BRCC3: variants seen among roughly 807,000 people sequenced by gnomAD.
BRCC3 encodes the protein BRCA1/BRCA2-containing complex subunit 3.
BRCC3 carries 15 observed loss-of-function variants against 28.0 expected under a neutral mutation model. That is an observed-to-expected ratio of 0.54 (90% CI 0.36 to 0.82). The LOEUF (loss-of-function observed/expected upper bound fraction) is 0.82. Among genes scored for constraint, BRCC3 ranks in the 40% least tolerant of loss-of-function variants. The probability of loss-of-function intolerance (pLI) is 0.01; values close to 1 mark genes in which losing one functional copy is unlikely to be tolerated. For synonymous variants in BRCC3, 66 were observed against 80.3 expected (o/e 0.82, Z 0.95); for missense variants, 109 against 225.9 (o/e 0.48, Z 3.32).
intron 7 of BRCC3, among the ~76,000 whole-genome samples, chrX:155,092,744 G>T (rs2074183090): frequency 9.0e-6 from 1 of 110,866 alleles, no homozygotes; most frequent in Non-Finnish European, 1.9e-5. Context: ...CTACTGCACA[G>T]CTGACATTCT....
Position 155,120,175 on chromosome X carries a change from A to G in BRCC3, c.*18+7A>G. ...AATCAGGAGACAAAATGGGGTAAAAAACTTCTTTTTCAATTTGTGTACTAA... is the reference window on the plus strand; with the variant it reads ...AATCAGGAGACAAAATGGGGTAAAAGACTTCTTTTTCAATTTGTGTACTAA... On this transcript the variant is annotated splice_region_variant and intron_variant, in intron 10 of 10. Transcript: ENST00000330045. The G allele has an allele frequency of 8.5e-7, 1 of 1,179,489 alleles. No individual in the cohort carries two copies. The highest frequency in any genetic ancestry group is 1.8e-5 in the African/African-American group (1 of 56,901).
chrX:155,071,567 C>T lies in BRCC3; in HGVS notation c.40C>T (p.Leu14Phe). ...GGTGCAGGCGGTGCAGGCGGTTCAT[C>T]TCGAGTCTGACGCTTTCCTCGTTTG... Reference protein sequence around the residue: ...QVVQAVQAVHLESDAFLVCLN... With the variant: ...QVVQAVQAVHFESDAFLVCLN... Residue 14 changes from leucine to phenylalanine, a missense_variant, in exon 1 of 11, where the codon CTC becomes TTC. Physicochemically the swap from Leu to Phe is conservative, Grantham distance 22 (BLOSUM62 0). Coordinates refer to ENST00000330045, the MANE Select transcript of BRCC3 (RefSeq NM_001018055.3). The T allele has an allele frequency of 8.3e-7, 1 of 1,207,931 alleles. No homozygotes were observed. The highest frequency in any genetic ancestry group is 1.1e-6 in the Non-Finnish European group (1 of 892,946).
chrX:155,122,052 A>G lies in BRCC3; in HGVS notation c.*848A>G, dbSNP rs782163651. 37 of 108,858 alleles carry G rather than the reference A, an allele frequency of 3.4e-4. No individual in the cohort carries two copies. The highest frequency in any genetic ancestry group is 1.2e-3 in the African/African-American group (35 of 29,911). 9.0% of individuals were successfully genotyped at this position (108,858 alleles called of 1,213,427 possible). A position where few individuals can be genotyped will look rare whatever the true frequency, so the allele number is the denominator to read the frequency against. Reference sequence around the variant, plus strand: ...GGAGGCAGGAGGATCACTTGAGCCCAGGAGTTTGAGGCTGCGGTGAGCTGT... The same window carrying G: ...GGAGGCAGGAGGATCACTTGAGCCCGGGAGTTTGAGGCTGCGGTGAGCTGT... On this transcript the variant is annotated 3_prime_UTR_variant, in exon 11 of 11. Coordinates refer to ENST00000330045, the MANE Select transcript of BRCC3 (RefSeq NM_001018055.3).
intron 2 of BRCC3, 22 bp downstream of exon 2, chrX:155,072,365 C>A: frequency 8.6e-7 from 1 of 1,162,318 alleles, no homozygotes; most frequent in Non-Finnish European, 1.2e-6. Flanking sequence ...TTTGTTTACT[C>A]ATATCTTATA....
At chrX:155,118,982 G>GA (rs2074373898) in intron 9 of BRCC3, among the ~76,000 whole-genome samples, 1 of 111,487 alleles carries the variant, frequency 9.0e-6, no homozygotes, top group South Asian at 3.7e-4. Flanking sequence ...AATACAGGAG[G>GA]AAAAATATAA....
At chrX:155,098,639 T>TGTA (rs1178950439) in intron 7 of BRCC3, among the ~76,000 whole-genome samples, 4 of 112,480 alleles carry the variant, frequency 3.6e-5, no homozygotes, top group African/African-American at 6.5e-5. Context: ...AGCTGACTGT[T>TGTA]GTAATAGAGA....
At chrX:155,084,423 C>T (rs1169980011) in intron 5 of BRCC3, among the ~76,000 whole-genome samples, 2 of 110,851 alleles carry the variant, frequency 1.8e-5, no homozygotes, top group African/African-American at 6.6e-5. Flanking sequence ...AGTGCAGTGG[C>T]ACGATCTCAG....
intron 7 of BRCC3, 89 bp from the exon 8 acceptor site, chrX:155,115,968 A>G: frequency 1.1e-6 from 1 of 906,401 alleles, no homozygotes; most frequent in Non-Finnish European, 1.6e-6. Context: ...AAAGTATGCC[A>G]TATCCCAAAC....
intron 1 of BRCC3, 121 bp downstream of exon 1, chrX:155,071,771 A>T: frequency 1.2e-6 from 1 of 814,809 alleles, no homozygotes; most frequent in Admixed American, 3.1e-5. Context: ...AGGTCCTTGG[A>T]CACCCTTTAC....
At chrX:155,079,004 T>A (rs1360627788) in intron 5 of BRCC3, 5 of 199,038 alleles carry the variant, frequency 2.5e-5, no homozygotes, top group African/African-American at 1.5e-4. Flanking sequence ...AAGGGTAAAA[T>A]TTGCAAAATT....
At chrX:155,083,017 T>C (rs1264967791) in intron 5 of BRCC3, among the ~76,000 whole-genome samples, 2 of 112,388 alleles carry the variant, frequency 1.8e-5, no homozygotes, top group South Asian at 7.4e-4. Flanking sequence ...TTTTGGCATG[T>C]GGTGCTAGGC....
intron 5 of BRCC3, among the ~76,000 whole-genome samples, chrX:155,079,475 C>G (rs1396714573): frequency 1.8e-5 from 2 of 111,757 alleles, no homozygotes; most frequent in Non-Finnish European, 3.8e-5. Flanking sequence ...AAAAAGTCAT[C>G]AGTGGTACAG....
chrX:155,117,013 T>C (rs2074360894), intron 9 of BRCC3, among the ~76,000 whole-genome samples: 1 of 112,211 alleles, frequency 8.9e-6, no homozygotes, highest in African/African-American at 3.2e-5. Context: ...CTCAGTGATA[T>C]ACTGGCACAC....
At chrX:155,097,176 C>T (rs5987092) in intron 7 of BRCC3, among the ~76,000 whole-genome samples, 38,891 of 110,388 alleles carry the variant, frequency 0.35, 5,660 homozygotes, top group African/African-American at 0.55. Context: ...AACTAAAACG[C>T]CTGCACAGCA....
intron 5 of BRCC3, among the ~76,000 whole-genome samples, chrX:155,083,511 GT>G (rs1156667894): frequency 9.0e-6 from 1 of 111,731 alleles, no homozygotes; most frequent in East Asian, 2.8e-4. Context: ...ACCTTACTCT[GT>G]TTTTTATGCC....
chrX:155,115,771 A>G (rs1284480686), intron 7 of BRCC3, among the ~76,000 whole-genome samples: 1 of 112,135 alleles, frequency 8.9e-6, no homozygotes, highest in Non-Finnish European at 1.9e-5. Flanking sequence ...ACTGGGGAGC[A>G]GACGTAAGGA....
intron 5 of BRCC3, among the ~76,000 whole-genome samples, chrX:155,085,668 T>C (rs1557294705): frequency 8.9e-6 from 1 of 112,520 alleles, no homozygotes; most frequent in Non-Finnish European, 1.9e-5. Context: ...ACATACATGG[T>C]TTCCTGTTGC....
At chrX:155,076,325 G>A (rs968260438) in intron 3 of BRCC3, among the ~76,000 whole-genome samples, 28 of 111,040 alleles carry the variant, frequency 2.5e-4, no homozygotes, top group African/African-American at 1.6e-4. Flanking sequence ...GGAGGTAGAC[G>A]TTGCAGTGAG....
intron 7 of BRCC3, among the ~76,000 whole-genome samples, chrX:155,111,176 A>G (rs1052791946): frequency 3.1e-4 from 35 of 112,159 alleles, no homozygotes; most frequent in Admixed American, 9.4e-5. Flanking sequence ...CATATAAGAA[A>G]TAGAAGATAA....
Sources: allele counts gnomAD v4.1 joint callset (sites outside exome capture counted in the v4.1 genomes callset), GRCh38; gene constraint gnomAD v4.1.1; transcripts MANE v1.5; gene names NCBI Gene and HGNC (gene_info 2026-07-23, HGNC 2026-07-21).